NAV3: variants seen among roughly 807,000 people sequenced by gnomAD.
The protein encoded by NAV3 is neuron navigator 3, also known as pore membrane and/or filament interacting like protein 1.
A neutral mutation model predicts 244.7 loss-of-function variants in NAV3; 87 were observed. That is an observed-to-expected ratio of 0.36 (90% CI 0.30 to 0.42). The LOEUF (loss-of-function observed/expected upper bound fraction) is 0.42. Ranked by LOEUF, NAV3 falls within the 20% of genes least tolerant of loss-of-function variation. NAV3 has a pLI of 1.00. For missense variants in NAV3, 2,663 were observed against 2,893.3 expected, an observed-to-expected ratio of 0.92 and a Z score of 1.83; for synonymous variants, 1,126 against 1,042.2, an observed-to-expected ratio of 1.08 and a Z score of -1.55.
intron 2 of NAV3, among the ~76,000 whole-genome samples, chr12:77,611,282 C>T (rs1592502380): frequency 1.3e-5 from 2 of 151,786 alleles, no homozygotes; most frequent in East Asian, 3.9e-4. Context: ...TTTTGTTTAT[C>T]TTTTCTTGTT....
At chr12:77,802,920 G>A (rs1871787686) in intron 2 of NAV3, among the ~76,000 whole-genome samples, 1 of 152,034 alleles carries the variant, frequency 6.6e-6, no homozygotes, top group Admixed American at 6.6e-5. Flanking sequence ...ACCTGCCTTG[G>A]CCTCCCAAAG....
At chr12:78,199,819 A>G (rs534582430) in intron 37 of NAV3, among the ~76,000 whole-genome samples, 6 of 152,202 alleles carry the variant, frequency 3.9e-5, no homozygotes, top group African/African-American at 1.4e-4. Flanking sequence ...GTATCGATTT[A>G]GGATACTTTT....
intron 2 of NAV3, among the ~76,000 whole-genome samples, chr12:77,776,036 A>C (rs1293035525): frequency 6.6e-6 from 1 of 152,138 alleles, no homozygotes; most frequent in Non-Finnish European, 1.5e-5. Context: ...TCTAGCCCCT[A>C]TCTCCCTCAG....
chr12:77,814,445 T>C (rs1872444713), intron 2 of NAV3, among the ~76,000 whole-genome samples: 1 of 152,050 alleles, frequency 6.6e-6, no homozygotes. Context: ...AATAAAGCCA[T>C]GGAGATCTTT....
chr12:77,635,042 A>C (rs1413126307), intron 2 of NAV3, among the ~76,000 whole-genome samples: 2 of 152,096 alleles, frequency 1.3e-5, no homozygotes. Context: ...CAGCCTGGCC[A>C]ACATGGTGAA....
chr12:77,878,229 T>A (rs990763638), intron 1 of NAV3, among the ~76,000 whole-genome samples: 4 of 152,022 alleles, frequency 2.6e-5, no homozygotes, highest in African/African-American at 9.7e-5. Context: ...TTGTTTTTGT[T>A]TTGTTTTGTT....
chr12:78,038,803 ATTAT>A (rs754300340), intron 9 of NAV3, among the ~76,000 whole-genome samples: 1 of 152,132 alleles, frequency 6.6e-6, no homozygotes, highest in Non-Finnish European at 1.5e-5. Flanking sequence ...TTGAAGTGGT[ATTAT>A]TTATCTTGTT....
chr12:77,689,168 C>T (rs527312578), intron 2 of NAV3, among the ~76,000 whole-genome samples: 11 of 152,034 alleles, frequency 7.2e-5, no homozygotes, highest in Non-Finnish European at 1.3e-4. Context: ...AAAAACATTT[C>T]CTGCTGAAAT....
At chr12:77,614,700 G>A (rs1488461807) in intron 2 of NAV3, among the ~76,000 whole-genome samples, 1 of 152,086 alleles carries the variant, frequency 6.6e-6, no homozygotes, top group Admixed American at 6.6e-5. Context: ...CACAGTGAGT[G>A]CCTCAGTTTT....
Position 77,738,187 on chromosome 12 carries a change from T to G in NAV3, c.72+165921T>G, listed in dbSNP as rs115789211. ...AAATTTAAAAGGATAATGGCAGAAT[T>G]CTTTCTTGGGTTTTTAAGATTGCTC... On this transcript the variant is annotated intron_variant, in intron 2 of 8. Transcript: ENST00000550042. 6.9e-3 allele frequency among the ~76,000 whole-genome samples: 1,053 copies of G among 152,316 alleles called. 13 individuals are homozygous for G. Among genetic ancestry groups the G allele is most frequent in the African/African-American group, 0.024 (1,003 of 41,572 alleles).
At chr12:77,929,623 TTTTA>T (rs1329506134) in intron 1 of NAV3, among the ~76,000 whole-genome samples, 2 of 151,848 alleles carry the variant, frequency 1.3e-5, no homozygotes, top group Non-Finnish European at 2.9e-5. Context: ...ATAACCTTAT[TTTTA>T]TTTATTTATT....
chr12:77,926,890 C>A (rs138881651), intron 1 of NAV3, among the ~76,000 whole-genome samples: 2,112 of 152,290 alleles, frequency 0.014, 28 homozygotes, highest in Non-Finnish European at 0.023. Context: ...GAGAAATGCT[C>A]AGGTCAGAAG....
intron 22 of NAV3, 85 bp from the exon 23 acceptor site, chr12:78,159,118 T>TC: frequency 9.0e-7 from 1 of 1,110,006 alleles, no homozygotes; most frequent in African/African-American, 1.6e-5. Flanking sequence ...ACACATGAAA[T>TC]TAAGCATTTT....
chr12:77,807,734 G>A (rs866227878), intron 2 of NAV3, among the ~76,000 whole-genome samples: 7 of 152,158 alleles, frequency 4.6e-5, no homozygotes, highest in Admixed American at 6.5e-5. Context: ...GTCTTGCTAG[G>A]TTGGGGAAGT....
At chr12:78,103,166 G>A (rs904593592) in intron 12 of NAV3, among the ~76,000 whole-genome samples, 3 of 151,970 alleles carry the variant, frequency 2.0e-5, no homozygotes, top group African/African-American at 7.3e-5. Context: ...AACAACACCC[G>A]TCACCTCTTG....
At chr12:77,802,489 T>C (rs1592696047) in intron 2 of NAV3, among the ~76,000 whole-genome samples, 1 of 152,310 alleles carries the variant, frequency 6.6e-6, no homozygotes, top group East Asian at 1.9e-4. Flanking sequence ...AGACAGACAA[T>C]GAAGAAATGT....
intron 2 of NAV3, among the ~76,000 whole-genome samples, chr12:77,822,273 A>T (rs138879488): frequency 6.6e-6 from 1 of 152,172 alleles, no homozygotes; most frequent in Non-Finnish European, 1.5e-5. Context: ...TTAGGTGGAC[A>T]TTGTGTGCAT....
intron 1 of NAV3, among the ~76,000 whole-genome samples, chr12:77,926,932 G>C (rs1036624145): frequency 6.6e-6 from 1 of 152,122 alleles, no homozygotes; most frequent in South Asian, 2.1e-4. Context: ...AGGCTTAAAC[G>C]GAATTTATTC....
chr12:77,593,933 G>A (rs967961548), intron 2 of NAV3, among the ~76,000 whole-genome samples: 2 of 152,004 alleles, frequency 1.3e-5, no homozygotes, highest in African/African-American at 2.4e-5. Context: ...TCCTAAACAC[G>A]TGAAATTTAC....
Sources: allele counts gnomAD v4.1 joint callset (sites outside exome capture counted in the v4.1 genomes callset), GRCh38; gene constraint gnomAD v4.1.1; transcripts MANE v1.5; gene names NCBI Gene and HGNC (gene_info 2026-07-23, HGNC 2026-07-21).